Variants in ARID4B observed in about 807,000 individuals in gnomAD.
The protein encoded by ARID4B is AT-rich interactive domain-containing protein 4B.
Under a neutral mutation model 147.5 loss-of-function variants are expected in ARID4B, and 26 were observed. The ratio of observed to expected loss-of-function variants is 0.18; its 90% CI spans 0.13 to 0.24. The LOEUF is 0.24. Among genes scored for constraint, ARID4B ranks in the 10% least tolerant of loss-of-function variants. The pLI is 1.00. For missense variants in ARID4B, 1,179 were observed against 1,511.5 expected (o/e 0.78, Z 3.65); for synonymous variants, 512 against 507.9 (o/e 1.01, Z -0.11).
At position 235,194,215 on chromosome 1, in the gene ARID4B, G is replaced by A. The variant is rs1345634403; in HGVS notation, c.1927-4C>T. The A allele has an allele frequency of 1.3e-6, 2 of 1,586,378 alleles. No homozygotes were observed. The highest frequency in any genetic ancestry group is 1.7e-5 in the Admixed American group (1 of 58,892). On this transcript the variant is annotated splice_region_variant and splice_polypyrimidine_tract_variant and intron_variant, in intron 18 of 23. Transcript: ENST00000264183. ...CTTTTTCTTTGTCTAATTTATTCTAGGTTAAGAAAAAAAGTATGTCGTAAT... is the reference window on the plus strand; with the variant it reads ...CTTTTTCTTTGTCTAATTTATTCTAAGTTAAGAAAAAAAGTATGTCGTAAT...
intron 2 of ARID4B, among the ~76,000 whole-genome samples, chr1:235,304,397 C>T (rs1217449664): frequency 2.0e-5 from 3 of 148,504 alleles, no homozygotes; most frequent in African/African-American, 7.3e-5. Context: ...CAAAAAATAC[C>T]ATCTGAGCAC....
intron 22 of ARID4B, among the ~76,000 whole-genome samples, chr1:235,174,550 C>G (rs1663710929): frequency 6.6e-6 from 1 of 151,984 alleles, no homozygotes. Flanking sequence ...CCCAAAATCC[C>G]AGCACTTTGC....
At chr1:235,184,791 A>G (rs1340165596) in intron 19 of ARID4B, among the ~76,000 whole-genome samples, 1 of 152,148 alleles carries the variant, frequency 6.6e-6, no homozygotes, top group East Asian at 1.9e-4. Context: ...GTCATCTCTT[A>G]CTATTCATAA....
chr1:235,219,434 G>T (rs996080937), intron 16 of ARID4B, among the ~76,000 whole-genome samples: 2 of 152,164 alleles, frequency 1.3e-5, no homozygotes, highest in East Asian at 1.9e-4. Context: ...TTTTGCTTAA[G>T]AAATAAATAC....
chr1:235,236,833 A>AAAAAAAAAATATATATATATAT (rs1175189621), intron 8 of ARID4B, among the ~76,000 whole-genome samples: 6 of 33,518 alleles, frequency 1.8e-4, no homozygotes, highest in Non-Finnish European at 2.3e-4. Flanking sequence ...TTTTATAAAA[A>AAAAAAAAAATATATATATATAT]ATATATATAT....
chr1:235,324,853 G>GGAGGCAGCAGTTACAGATC (rs1675109780), intron 2 of ARID4B, among the ~76,000 whole-genome samples: 1 of 152,164 alleles, frequency 6.6e-6, no homozygotes, highest in Non-Finnish European at 1.5e-5. Context: ...TTTGAGCCCA[G>GGAGGCAGCAGTTACAGATC]GAGGCAGCAG....
intron 17 of ARID4B, among the ~76,000 whole-genome samples, chr1:235,212,879 A>ATC (rs1246025563): frequency 6.6e-5 from 10 of 152,194 alleles, no homozygotes; most frequent in Non-Finnish European, 1.3e-4. Flanking sequence ...AGTATAAAGC[A>ATC]TGAGAACTGT....
At chr1:235,220,799 T>C (rs4659656) in intron 14 of ARID4B, among the ~76,000 whole-genome samples, 44,598 of 152,158 alleles carry the variant, frequency 0.29, 7,683 homozygotes, top group South Asian at 0.53. Context: ...ATCTATTTTT[T>C]GCACATTTCT....
rs760452353 is a variant in ARID4B at position 235,231,149 on chromosome 1, C to G, written c.706G>C (p.Asp236His). The G allele has an allele frequency of 5.7e-6, 9 of 1,591,522 alleles. No individual in the cohort carries two copies. The East Asian group carries it at 1.8e-4, about 32-fold the overall frequency. The change falls in exon 10 of 24, where the codon GAC becomes CAC. Residue 236 changes from aspartate to histidine, a missense_variant. Around this residue, in one of 10 missense-constraint regions of ARID4B, gnomAD observed 159 missense variants for 190.5 expected, o/e 0.83. Transcript: ENST00000264183. ...PRKDVHEITSDTAPKPDAVLK... is the reference protein window; with the variant it reads ...PRKDVHEITSHTAPKPDAVLK... ...ACAGCATCAGGCTTTGGTGCAGTGT[C>G]ACTAGTAATTTCATGGACATCTTTT...
chr1:235,216,659 A>G (rs1667107278), intron 16 of ARID4B, among the ~76,000 whole-genome samples: 1 of 152,144 alleles, frequency 6.6e-6, no homozygotes, highest in African/African-American at 2.4e-5. Context: ...TAAAATATTA[A>G]CAATGTTATT....
chr1:235,188,015 A>G (rs1347625798), intron 19 of ARID4B, among the ~76,000 whole-genome samples: 2 of 152,146 alleles, frequency 1.3e-5, no homozygotes, highest in Admixed American at 1.3e-4. Context: ...AAGTAGGGGA[A>G]AAAAAGAGTT....
rs549111605 is a variant in ARID4B, at chr1:235,235,884, C to T, written c.586-1392G>A. ...AGCACAGTCCTAGTCAGGGTAAATACTCAGTGCATGGTAGTTATTTATAGT... is the reference window on the plus strand; with the variant it reads ...AGCACAGTCCTAGTCAGGGTAAATATTCAGTGCATGGTAGTTATTTATAGT... On this transcript the variant is annotated intron_variant, in intron 8 of 23. Transcript: ENST00000264183. Among the ~76,000 whole-genome samples the T allele has an allele frequency of 5.3e-5, 8 of 151,980 alleles. No individual in the cohort carries two copies. In the East Asian group the frequency reaches 1.5e-3, roughly 29 times the overall value.
intron 7 of ARID4B, 125 bp from the exon 8 acceptor site, chr1:235,240,576 A>G: frequency 1.2e-6 from 1 of 844,758 alleles, no homozygotes; most frequent in South Asian, 1.6e-5. Flanking sequence ...GCTAATTTAA[A>G]TCTTAAATCA....
intron 2 of ARID4B, among the ~76,000 whole-genome samples, chr1:235,300,579 A>G (rs756506628): frequency 5.5e-4 from 83 of 152,206 alleles, no homozygotes; most frequent in Non-Finnish European, 9.4e-4. Flanking sequence ...CTGTGCTTAG[A>G]AGACAACATA....
Position 235,213,932 on chromosome 1 carries a change from T to G in ARID4B, c.1678A>C (p.Asn560His). ...EEEEDEDDDD[N>H]NEEEEFECYP... ...CACTCAAACTCCTCTTCCTCATTGT[T>G]GTCATCATCATCTTCATCCTCTTCT... Residue 560 changes from asparagine (N) to histidine (H), a missense_variant, in exon 17 of 24, where the codon AAC becomes CAC. Asn to His is a moderately conservative substitution (Grantham distance 68). Around this residue, in one of 10 missense-constraint regions of ARID4B, gnomAD observed 204 missense variants for 210.9 expected, o/e 0.97. Transcript: ENST00000264183. The G allele has an allele frequency of 6.2e-7, 1 of 1,613,138 alleles. No homozygotes were observed. The highest frequency in any genetic ancestry group is 8.5e-7 in the Non-Finnish European group (1 of 1,179,170).
chr1:235,240,857 G>C (rs1165080511), intron 7 of ARID4B, among the ~76,000 whole-genome samples: 1 of 152,122 alleles, frequency 6.6e-6, no homozygotes, highest in East Asian at 1.9e-4. Context: ...AATTTTAAAA[G>C]GTAGGAGAGC....
chr1:235,218,549 G>A (rs556015865), intron 16 of ARID4B, among the ~76,000 whole-genome samples: 1 of 152,104 alleles, frequency 6.6e-6, no homozygotes, highest in Admixed American at 6.5e-5. Flanking sequence ...ATATAACAAA[G>A]TATAATCAAC....
intron 13 of ARID4B, among the ~76,000 whole-genome samples, chr1:235,222,034 C>G (rs1358494149): frequency 2.6e-5 from 4 of 151,362 alleles, no homozygotes; most frequent in African/African-American, 7.3e-5. Flanking sequence ...CTCAACAACC[C>G]AAGTAGCTGG....
intron 17 of ARID4B, among the ~76,000 whole-genome samples, chr1:235,204,651 A>G (rs552213587): frequency 6.6e-6 from 1 of 152,364 alleles, no homozygotes; most frequent in South Asian, 2.1e-4. Flanking sequence ...AAGCGTACAA[A>G]GACAACTGCA....
Sources: gnomAD v4.1 joint callset for allele counts (sites outside exome capture counted in the v4.1 genomes callset) on GRCh38, gnomAD v4.1.1 for gene constraint, gnomAD v4.1.1 regional missense constraint, MANE v1.5 for transcripts, NCBI Gene and HGNC (gene_info 2026-07-23, HGNC 2026-07-21) for gene names.